The following SCD5 variants were observed in gnomAD, a reference collection of about 807,000 sequenced individuals.
SCD5 encodes acyl-CoA-desaturase 4.
SCD5 carries 20 observed loss-of-function variants against 30.4 expected under a neutral mutation model. The ratio of observed to expected loss-of-function variants is 0.66; its 90% confidence interval spans 0.46 to 0.96. The LOEUF (loss-of-function observed/expected upper bound fraction) is 0.96. SCD5 is among the 40% of genes least tolerant of loss of function. The pLI, the probability that SCD5 is intolerant of heterozygous loss-of-function variation, is 0.00. For synonymous variants in SCD5, 173 were observed against 176.4 expected (o/e 0.98, Z 0.16); for missense variants, 381 against 443.3 (o/e 0.86, Z 1.26).
intron 2 of SCD5, among the ~76,000 whole-genome samples, chr4:82,687,038 G>A (rs1396635475): frequency 6.6e-6 from 1 of 152,040 alleles, no homozygotes; most frequent in African/African-American, 2.4e-5. Flanking sequence ...GGGCATGGTG[G>A]TGGGCACCTG....
intron 3 of SCD5, among the ~76,000 whole-genome samples, chr4:82,669,825 G>C (rs758404533): frequency 2.0e-5 from 3 of 152,176 alleles, no homozygotes; most frequent in Non-Finnish European, 2.9e-5. Context: ...GCCAGAGCCT[G>C]ACCTGCTGGG....
rs146725090 is a variant in SCD5 at position 82,631,366 on chromosome 4, G to A, written c.954C>T (p.Ile318=). The A allele has an allele frequency of 2.5e-5, 41 of 1,614,048 alleles. No individual in the cohort carries two copies. The African/African-American group carries it at 4.1e-4, about 16-fold the overall frequency. The change falls in exon 5 of 5, where the codon ATC becomes ATT. Residue 318 remains isoleucine (I), a synonymous_variant. Coordinates refer to ENST00000319540, the MANE Select transcript of SCD5 (RefSeq NM_001037582.3). The stretch of plus-strand genomic sequence containing the variant: ...CTCCAGTCCTGGCCTTCCGGGCCTC[G>A]ATCATCGGCTTGGTTGCCCGTTTGC... ...TDRKRATKPM[I]EARKARTGDS... is the part of the protein sequence containing the mutation.
chr4:82,765,082 C>A (rs1408938564), intron 1 of SCD5, among the ~76,000 whole-genome samples: 1 of 152,142 alleles, frequency 6.6e-6, no homozygotes, highest in Non-Finnish European at 1.5e-5. Context: ...TTTACCATTT[C>A]TGTTGCTGTT....
chr4:82,763,700 G>A (rs58301065), intron 1 of SCD5, among the ~76,000 whole-genome samples: 5 of 152,346 alleles, frequency 3.3e-5, no homozygotes, highest in Non-Finnish European at 5.9e-5. Flanking sequence ...GCAAGCCAAG[G>A]AGAGGCTTCC....
intron 1 of SCD5, among the ~76,000 whole-genome samples, chr4:82,748,222 G>A (rs1261080392): frequency 6.6e-6 from 1 of 152,070 alleles, no homozygotes; most frequent in African/African-American, 2.4e-5. Flanking sequence ...AAAGGGAAAC[G>A]ATGAAAAGGG....
intron 1 of SCD5, among the ~76,000 whole-genome samples, chr4:82,718,099 A>C (rs151206055): frequency 0.014 from 2,064 of 150,036 alleles, 32 homozygotes; most frequent in Non-Finnish European, 0.021. Flanking sequence ...AAAAAAAGCA[A>C]TCTCTCTAAG....
chr4:82,660,532 A>AT, intron 3 of SCD5: 1 of 1,133,186 alleles, frequency 8.8e-7, no homozygotes, highest in Non-Finnish European at 1.1e-6. Flanking sequence ...AATAACACAA[A>AT]TATTTATTGC....
intron 1 of SCD5, among the ~76,000 whole-genome samples, chr4:82,730,532 A>G (rs1050996196): frequency 1.1e-4 from 16 of 148,098 alleles, no homozygotes; most frequent in Non-Finnish European, 1.9e-4. Context: ...TCCTGACATC[A>G]TGATCCGCCC....
rs750322556 is a variant in SCD5, at chr4:82,798,506, A to G, written c.32T>C (p.Ile11Thr). The G allele has an allele frequency of 6.2e-7, 1 of 1,607,250 alleles. No homozygotes were observed. The highest frequency in any genetic ancestry group is 8.5e-7 in the Non-Finnish European group (1 of 1,177,364). Residue 11 changes from isoleucine (I) to threonine (T), a missense_variant, in exon 1 of 5, where the codon ATC (isoleucine) becomes ACC (threonine). Coordinates refer to ENST00000319540, the MANE Select transcript of SCD5 (RefSeq NM_001037582.3). MPGPATDAGK[I>T]PFCDAKEEIR... ...TTCTTCCTTGGCGTCGCAGAAAGGG[A>G]TCTTCCCCGCGTCGGTGGCCGGGCC...
chr4:82,730,943 A>G (rs1055978635), intron 1 of SCD5, among the ~76,000 whole-genome samples: 9 of 152,188 alleles, frequency 5.9e-5, no homozygotes, highest in Admixed American at 5.9e-4. Context: ...TGCTTCTTCC[A>G]GGGAAGTCTC....
In SCD5 at chr4:82,636,572, C is replaced by T. The variant is rs367617307; in HGVS notation, c.802+19G>A. The T allele has an allele frequency of 1.9e-6, 3 of 1,600,092 alleles. No homozygotes were observed. The highest frequency in any genetic ancestry group is 2.6e-6 in the Non-Finnish European group (3 of 1,170,584). On this transcript the variant is annotated intron_variant, in intron 4 of 4. Coordinates refer to ENST00000319540, the MANE Select transcript of SCD5 (RefSeq NM_001037582.3). ...CTGGGCCACCATTCTCCCCATTGGCCCTCAACACCCCTACTCACCAATGGC... is the reference window on the plus strand; with the variant it reads ...CTGGGCCACCATTCTCCCCATTGGCTCTCAACACCCCTACTCACCAATGGC...
chr4:82,635,478 A>G (rs6832779), intron 4 of SCD5, among the ~76,000 whole-genome samples: 39,166 of 151,184 alleles, frequency 0.26, 6,148 homozygotes, highest in African/African-American at 0.43. Context: ...AAAATTAGCC[A>G]GGCGTGGTGG....
chr4:82,698,187 G>A (rs1040750766), intron 2 of SCD5: 1 of 452,670 alleles, frequency 2.2e-6, no homozygotes, highest in South Asian at 1.6e-5. Context: ...TGAAGCTTAG[G>A]CTCATGGCTA....
At chr4:82,700,892 A>G (rs534861326) in intron 2 of SCD5, among the ~76,000 whole-genome samples, 4 of 151,284 alleles carry the variant, frequency 2.6e-5, no homozygotes, top group Non-Finnish European at 5.9e-5. Flanking sequence ...AAAAAATGGT[A>G]AAAAGAGTTC....
chr4:82,645,620 G>A (rs1462953522), intron 3 of SCD5, among the ~76,000 whole-genome samples: 1 of 152,140 alleles, frequency 6.6e-6, no homozygotes, highest in Non-Finnish European at 1.5e-5. Flanking sequence ...ACGTTCCTCA[G>A]CATTTAATTC....
At chr4:82,758,730 C>T (rs1721283027) in intron 1 of SCD5, among the ~76,000 whole-genome samples, 1 of 152,086 alleles carries the variant, frequency 6.6e-6, no homozygotes, top group African/African-American at 2.4e-5. Flanking sequence ...GGAGGGCGGG[C>T]CTTCCTTACC....
At position 82,631,877 on chromosome 4, in the gene SCD5, A is replaced by T. The variant is rs983542177; in HGVS notation, c.803-360T>A. Among the ~76,000 whole-genome samples the T allele has an allele frequency of 2.6e-5, 4 of 152,182 alleles. No individual in the cohort carries two copies. In the East Asian group the frequency reaches 7.7e-4, roughly 29 times the overall value. ...CTCTGTGGGCTGGAGTGATTAAAAA[A>T]TCCTTTTTTGGAAGAGCTCAAGAGA... On this transcript the variant is annotated intron_variant, in intron 4 of 4. Transcript: ENST00000319540.
intron 1 of SCD5, among the ~76,000 whole-genome samples, chr4:82,754,370 A>G (rs989063089): frequency 2.0e-5 from 3 of 152,242 alleles, no homozygotes; most frequent in African/African-American, 4.8e-5. Flanking sequence ...GCTCAAATGC[A>G]AGGACTAAGA....
At chr4:82,755,307 C>T (rs998536934) in intron 1 of SCD5, among the ~76,000 whole-genome samples, 1 of 152,130 alleles carries the variant, frequency 6.6e-6, no homozygotes, top group Non-Finnish European at 1.5e-5. Flanking sequence ...TGAGACCAGC[C>T]TGGCCAACAT....
Sources: allele counts gnomAD v4.1 joint callset (sites outside exome capture counted in the v4.1 genomes callset), GRCh38; gene constraint gnomAD v4.1.1; transcripts MANE v1.5; gene names NCBI Gene and HGNC (gene_info 2026-07-23, HGNC 2026-07-21).